Variants in ENG observed in about 807,000 individuals in gnomAD.
The protein encoded by ENG is endoglin.
A neutral mutation model predicts 71.0 loss-of-function variants in ENG; 17 were observed. That is an observed-to-expected ratio of 0.24 (90% confidence interval 0.16 to 0.36). ENG has a LOEUF of 0.36. Among genes scored for constraint, ENG ranks in the 10% least tolerant of loss-of-function variants. The pLI, the probability that ENG is intolerant of heterozygous loss-of-function variation, is 1.00. For synonymous variants in ENG, 360 were observed against 366.9 expected, an observed-to-expected ratio of 0.98 and a Z score of 0.21; for missense variants, 749 against 868.3, an observed-to-expected ratio of 0.86 and a Z score of 1.73.
chr9:127,829,648 G>T (rs1366670845), intron 3 of ENG, 39 bp downstream of exon 3: 12 of 1,612,638 alleles, frequency 7.4e-6, no homozygotes, highest in Non-Finnish European at 1.0e-5. Flanking sequence ...ACCTCCCATG[G>T]CCAGAGCCTC....
chr9:127,817,968 G>T, intron 12 of ENG, 152 bp downstream of exon 12: 1 of 1,279,940 alleles, frequency 7.8e-7, no homozygotes, highest in Non-Finnish European at 1.1e-6. Context: ...AGAAAGTGCT[G>T]CTGGCAGCCA....
At position 127,827,260 on chromosome 9, in the gene ENG, A is replaced by G. The variant is rs370500098; in HGVS notation, c.361-588T>C. On this transcript the variant is annotated intron_variant, in intron 3 of 14. Transcript: ENST00000373203. ...ATGAATTAATGAATTAAAGACAGAT[A>G]TCAGTGGTCCCTGCCCTAGGGGATA... The G allele has an allele frequency of 1.9e-5, 3 of 154,728 alleles. No individual in the cohort carries two copies. In the East Asian group the frequency reaches 5.7e-4, roughly 30 times the overall value. The allele number at this position is 154,728 out of a possible 1,614,324, so 9.6% of individuals were successfully genotyped here.
chr9:127,816,314 G>A, intron 13 of ENG: 1 of 558,418 alleles, frequency 1.8e-6, no homozygotes, highest in Non-Finnish European at 3.2e-6. Context: ...TGATGGAGAT[G>A]GCGTTTTCAG....
chr9:127,831,673 C>T (rs1402569993), intron 2 of ENG, among the ~76,000 whole-genome samples: 1 of 151,256 alleles, frequency 6.6e-6, no homozygotes, highest in Non-Finnish European at 1.5e-5. Context: ...GTGTGAACCA[C>T]CCTGCCTGGC....
intron 1 of ENG, among the ~76,000 whole-genome samples, chr9:127,848,680 T>A (rs1357710783): frequency 6.6e-6 from 1 of 152,182 alleles, no homozygotes; most frequent in Non-Finnish European, 1.5e-5. Flanking sequence ...TGGGTGTCCT[T>A]GGAGAACCAG....
intron 1 of ENG, among the ~76,000 whole-genome samples, chr9:127,852,402 C>T (rs958996892): frequency 2.0e-5 from 3 of 152,254 alleles, no homozygotes; most frequent in Non-Finnish European, 4.4e-5. Context: ...GGCCCTGGCC[C>T]CAGGCTCCCC....
chr9:127,828,610 C>T lies in ENG; in HGVS notation c.360+1077G>A, dbSNP rs537064384. 4.5e-4 allele frequency among the ~76,000 whole-genome samples: 69 copies of T among 152,316 alleles called. 1 individual carries two copies. The South Asian group carries it at 0.014, about 32-fold the overall frequency. On this transcript the variant is annotated intron_variant, in intron 3 of 14. Coordinates refer to ENST00000373203, the MANE Select transcript of ENG (RefSeq NM_001114753.3). ...ATCCATGGTAAAGGCCACGCCCCCT[C>T]TGGGACCTCGATTCCCCTTCTGGGC...
At chr9:127,826,827 C>T (rs901769875) in intron 3 of ENG, among the ~76,000 whole-genome samples, 155 bp from the exon 4 acceptor site, 9 of 152,024 alleles carry the variant, frequency 5.9e-5, no homozygotes, top group African/African-American at 1.7e-4. Context: ...GCAGTCAGCC[C>T]GGAGCCCCCT....
At chr9:127,826,126 A>C (rs529253483) in intron 4 of ENG, among the ~76,000 whole-genome samples, 1 of 152,238 alleles carries the variant, frequency 6.6e-6, no homozygotes, top group East Asian at 1.9e-4. Context: ...ACCCAGCAAG[A>C]CCCGAAATTA....
Position 127,843,166 on chromosome 9 carries a change from G to T in ENG, c.147C>A (p.Val49=), listed in dbSNP as rs1831082250. 1 of 1,614,266 alleles carries T rather than the reference G, an allele frequency of 6.2e-7. No individual in the cohort carries two copies. Among genetic ancestry groups the T allele is most frequent in the Non-Finnish European group, 8.5e-7 (1 of 1,180,056 alleles). The change falls in exon 2 of 15, where the codon GTC becomes GTA. Residue 49 remains valine, a synonymous_variant. Coordinates refer to ENST00000373203, the MANE Select transcript of ENG (RefSeq NM_001114753.3). ...GGGCCTGAGCCACGCAGCCCTTCGA[G>T]ACCTGGCTAGTGGTATATGTCACCT... is the stretch of plus-strand genomic sequence containing the variant. ...RGEVTYTTSQ[V]SKGCVAQAPN...
chr9:127,819,578 C>T, intron 10 of ENG, 44 bp downstream of exon 10: 1 of 1,611,908 alleles, frequency 6.2e-7, no homozygotes. Flanking sequence ...GGCCCAGCAG[C>T]AGCCCCTGGG....
intron 1 of ENG, among the ~76,000 whole-genome samples, chr9:127,854,073 GAGTC>G (rs1829091828): frequency 6.6e-6 from 1 of 152,252 alleles, no homozygotes; most frequent in African/African-American, 2.4e-5. Flanking sequence ...TAAAGTGAAA[GAGTC>G]AGCCCAGTTT....
At chr9:127,816,985 T>C in intron 13 of ENG, 164 bp downstream of exon 13, 1 of 785,960 alleles carries the variant, frequency 1.3e-6, no homozygotes, top group Non-Finnish European at 2.1e-6. Flanking sequence ...TGCTCTAGGC[T>C]GCTATGGCTC....
Position 127,816,201 on chromosome 9 carries a change from C to T in ENG, c.1742-148G>A, listed in dbSNP as rs537880468. Reference sequence around the variant, plus strand: ...AACCTCAGTCTCCTCTTGCAGCAAACGGGCTCATCACAGCCAGGCCTGGCA... The same window carrying T: ...AACCTCAGTCTCCTCTTGCAGCAAATGGGCTCATCACAGCCAGGCCTGGCA... On this transcript the variant is annotated intron_variant, in intron 13 of 14. Coordinates refer to ENST00000373203, the MANE Select transcript of ENG (RefSeq NM_001114753.3). 4.3e-5 allele frequency: 44 copies of T among 1,016,410 alleles called. No homozygotes were observed. In the East Asian group the frequency reaches 6.3e-4, roughly 14 times the overall value. 63.0% of individuals were successfully genotyped at this position (1,016,410 alleles called of 1,614,324 possible). A position where few individuals can be genotyped will look rare whatever the true frequency, so the allele number is the denominator to read the frequency against.
intron 1 of ENG, among the ~76,000 whole-genome samples, chr9:127,852,703 C>T (rs1204925940): frequency 5.3e-5 from 8 of 152,232 alleles, no homozygotes; most frequent in South Asian, 2.1e-4. Context: ...GAGAACCAAC[C>T]GCCAGGTGCT....
At chr9:127,816,140 C>T (rs1830308147) in intron 13 of ENG, 87 bp from the exon 14 acceptor site, 1 of 1,506,290 alleles carries the variant, frequency 6.6e-7, no homozygotes, top group East Asian at 2.4e-5. Context: ...GGCTTTGGTG[C>T]CAGCTCTGCT....
intron 8 of ENG, among the ~76,000 whole-genome samples, chr9:127,823,634 C>T (rs1396278645): frequency 2.7e-5 from 4 of 149,596 alleles, no homozygotes; most frequent in Non-Finnish European, 5.9e-5. Flanking sequence ...GTGATCCACC[C>T]GCCTCGGCCT....
intron 10 of ENG, 131 bp downstream of exon 10, chr9:127,819,491 A>G (rs111289238): frequency 1.9e-5 from 23 of 1,229,822 alleles, no homozygotes; most frequent in African/African-American, 1.8e-4. Context: ...AGAAGGGGAG[A>G]CCGAGGCATT....
intron 12 of ENG, 85 bp downstream of exon 12, chr9:127,818,035 C>G (rs1830371824): frequency 6.2e-7 from 1 of 1,603,874 alleles, no homozygotes; most frequent in Non-Finnish European, 8.5e-7. Flanking sequence ...GGCCCCACAT[C>G]CCTGTGGGCT....
Sources: allele counts gnomAD v4.1 joint callset (sites outside exome capture counted in the v4.1 genomes callset), GRCh38; gene constraint gnomAD v4.1.1; transcripts MANE v1.5; gene names NCBI Gene and HGNC (gene_info 2026-07-23, HGNC 2026-07-21).